Variants in VCAN observed in about 807,000 individuals in gnomAD.
VCAN encodes versican.
Under a neutral mutation model 245.5 loss-of-function variants are expected in VCAN, and 44 were observed. The observed-to-expected ratio is 0.18, with a 90% CI of 0.14 to 0.23. The LOEUF (loss-of-function observed/expected upper bound fraction) is 0.23, where lower values mean the gene tolerates loss of function less well. Among genes scored for constraint, VCAN ranks in the 10% least tolerant of loss-of-function variants. VCAN has a pLI of 1.00. For synonymous variants in VCAN, 1,413 were observed against 1,437.0 expected (o/e 0.98, Z 0.38); for missense variants, 3,793 against 4,057.9 (o/e 0.93, Z 1.77).
chr5:83,556,756 TTGA>T (rs1747682341), intron 12 of VCAN, among the ~76,000 whole-genome samples: 1 of 152,168 alleles, frequency 6.6e-6, no homozygotes, highest in South Asian at 2.1e-4. Context: ...GAAGATAATT[TTGA>T]TCCTATTAAT....
Position 83,522,276 on chromosome 5 carries a change from G to A in VCAN, c.3970G>A (p.Val1324Ile). Residue 1324 changes from valine to isoleucine, a missense_variant, in exon 7 of 15, where the codon GTT (valine) becomes ATT (isoleucine). By Grantham distance (29) the Val-to-Ile change is conservative. Around this residue, in one of 5 missense-constraint regions of VCAN, gnomAD observed 3,182 missense variants for 3,250.3 expected, o/e 0.98. Transcript: ENST00000265077. ...CACAAAATTTCACCCTGACATTAAT[G>A]TTTATATTATTGAGGTCAGAGAAAA... Reference protein sequence around the residue: ...ASTKFHPDINVYIIEVRENKT... With the variant: ...ASTKFHPDINIYIIEVRENKT... The A allele has an allele frequency of 6.3e-7, 1 of 1,599,384 alleles. No individual in the cohort carries two copies. Among genetic ancestry groups the A allele is most frequent in the African/African-American group, 1.3e-5 (1 of 75,004 alleles).
At chr5:83,567,578 G>A (rs10051509) in intron 12 of VCAN, among the ~76,000 whole-genome samples, 2,902 of 152,292 alleles carry the variant, frequency 0.019, 81 homozygotes, top group African/African-American at 0.065. Context: ...GGGATAACAG[G>A]CATGAGACAC....
intron 1 of VCAN, among the ~76,000 whole-genome samples, chr5:83,475,267 G>A (rs1248377037): frequency 6.6e-6 from 1 of 152,194 alleles, no homozygotes; most frequent in Non-Finnish European, 1.5e-5. Context: ...ACCTGGAGAA[G>A]CTTGGTGCAG....
At chr5:83,531,078 A>T (rs1049509543) in intron 7 of VCAN, among the ~76,000 whole-genome samples, 1 of 152,174 alleles carries the variant, frequency 6.6e-6, no homozygotes, top group African/African-American at 2.4e-5. Flanking sequence ...AGTAACTGCT[A>T]GAATGATTGG....
intron 5 of VCAN, among the ~76,000 whole-genome samples, chr5:83,499,797 G>T (rs1163401373): frequency 1.3e-5 from 2 of 152,100 alleles, no homozygotes; most frequent in Non-Finnish European, 2.9e-5. Flanking sequence ...CTTGGTGTCA[G>T]AGTCCAGGAT....
In VCAN at chr5:83,533,253, G is replaced by A. The variant is rs137933789; in HGVS notation, c.4004-3754G>A. Among the ~76,000 whole-genome samples, 318 of 152,264 alleles carry A rather than the reference G, an allele frequency of 2.1e-3. 4 individuals are homozygous for A. Among genetic ancestry groups the A allele is most frequent in the East Asian group, 0.019 (96 of 5,184 alleles). ...TTTCTATCATTTTGAAGGCAAGTCA[G>A]ATCAAATAGTTGCGAGGTGGGTGGA... On this transcript the variant is annotated intron_variant, in intron 7 of 14. Coordinates refer to ENST00000265077, the MANE Select transcript of VCAN (RefSeq NM_004385.5).
chr5:83,543,420 C>T (rs1346851339), intron 8 of VCAN, among the ~76,000 whole-genome samples: 5 of 152,140 alleles, frequency 3.3e-5, no homozygotes, highest in South Asian at 2.1e-4. Flanking sequence ...CCATGACTAT[C>T]GTTAAAATTA....
At chr5:83,559,671 G>C (rs975438949) in intron 12 of VCAN, among the ~76,000 whole-genome samples, 1 of 152,002 alleles carries the variant, frequency 6.6e-6, no homozygotes, top group African/African-American at 2.4e-5. Context: ...CATCTTTTTT[G>C]TCCTCCACCC....
At chr5:83,486,120 G>A (rs1180308814) in intron 2 of VCAN, among the ~76,000 whole-genome samples, 1 of 152,054 alleles carries the variant, frequency 6.6e-6, no homozygotes, top group African/African-American at 2.4e-5. Flanking sequence ...ATGTCAAAGT[G>A]AGATCCTATC....
At chr5:83,523,984 A>T (rs185195433) in intron 7 of VCAN, among the ~76,000 whole-genome samples, 1 of 152,282 alleles carries the variant, frequency 6.6e-6, no homozygotes, top group African/African-American at 2.4e-5. Flanking sequence ...GCTTGAATGG[A>T]TATGCAGATT....
intron 12 of VCAN, among the ~76,000 whole-genome samples, chr5:83,565,965 T>TTTTTC (rs1450099282): frequency 6.6e-6 from 1 of 151,534 alleles, no homozygotes; most frequent in East Asian, 1.9e-4. Context: ...ACTGCTTTTT[T>TTTTTC]TTTTCTTTTT....
chr5:83,542,749 T>G (rs1747052892), intron 8 of VCAN, among the ~76,000 whole-genome samples: 1 of 152,222 alleles, frequency 6.6e-6, no homozygotes. Flanking sequence ...TTTCAGAGTT[T>G]GTGCAGTATC....
chr5:83,527,027 G>T (rs1462980688), intron 7 of VCAN, among the ~76,000 whole-genome samples: 1 of 152,184 alleles, frequency 6.6e-6, no homozygotes, highest in Non-Finnish European at 1.5e-5. Flanking sequence ...TTGCCATGAA[G>T]TGATTCTCTC....
chr5:83,581,386 G>C lies in VCAN; in HGVS notation c.*952G>C, dbSNP rs1052618799. ...CCATTTTAATCTTTTATAAAGTTTT[G>C]AATGTTCATGTATGAATGCTGCAGC... On this transcript the variant is annotated 3_prime_UTR_variant, in exon 15 of 15. Coordinates refer to ENST00000265077, the MANE Select transcript of VCAN (RefSeq NM_004385.5). 8 of 146,780 alleles carry C rather than the reference G, an allele frequency of 5.5e-5. No individual in the cohort carries two copies. Among genetic ancestry groups the C allele is most frequent in the Admixed American group, 3.4e-4 (5 of 14,624 alleles). The allele number at this position is 146,780 out of a possible 1,614,324, so 9.1% of individuals were successfully genotyped here.
chr5:83,528,607 C>T (rs537654554), intron 7 of VCAN, among the ~76,000 whole-genome samples: 49 of 152,242 alleles, frequency 3.2e-4, no homozygotes, highest in Admixed American at 9.2e-4. Context: ...TTTGATAAGA[C>T]AGCATGTTCT....
chr5:83,537,647 A>G lies in VCAN; in HGVS notation c.4644A>G (p.Ser1548=), dbSNP rs1746777479. Residue 1548 remains serine (S), a synonymous_variant, in exon 8 of 15, where the codon TCA becomes TCG. Coordinates refer to ENST00000265077, the MANE Select transcript of VCAN (RefSeq NM_004385.5). ...TATCTCTGTTTCCTGAAGAGTCTTCAGGAGAGATTGCCATTGACCAAGAAT... is the reference window on the plus strand; with the variant it reads ...TATCTCTGTTTCCTGAAGAGTCTTCGGGAGAGATTGCCATTGACCAAGAAT... ...EPVSLFPEES[S]GEIAIDQESQ... 1.2e-6 allele frequency: 2 copies of G among 1,613,886 alleles called. No homozygotes were observed. Among genetic ancestry groups the G allele is most frequent in the Non-Finnish European group, 1.7e-6 (2 of 1,179,928 alleles).
chr5:83,566,189 G>A (rs970457521), intron 12 of VCAN, among the ~76,000 whole-genome samples: 2 of 151,928 alleles, frequency 1.3e-5, no homozygotes, highest in African/African-American at 4.8e-5. Context: ...TTGAACTCCC[G>A]ACCTCAGGTG....
intron 7 of VCAN, among the ~76,000 whole-genome samples, 173 bp downstream of exon 7, chr5:83,522,482 A>T (rs1430247363): frequency 6.6e-6 from 1 of 152,226 alleles, no homozygotes; most frequent in Non-Finnish European, 1.5e-5. Flanking sequence ...GAATATGTTA[A>T]ACAATGTGGA....
intron 5 of VCAN, among the ~76,000 whole-genome samples, chr5:83,496,402 G>A (rs371186134): frequency 6.6e-6 from 1 of 152,184 alleles, no homozygotes; most frequent in Admixed American, 6.5e-5. Context: ...GTGGAATATA[G>A]CATAACTTTA....
Sources: allele counts gnomAD v4.1 joint callset (sites outside exome capture counted in the v4.1 genomes callset), GRCh38; gene constraint gnomAD v4.1.1; regional missense constraint gnomAD v4.1.1; transcripts MANE v1.5; gene names NCBI Gene and HGNC (gene_info 2026-07-23, HGNC 2026-07-21).